EPB41: variants seen among roughly 807,000 people sequenced by gnomAD.
EPB41 encodes protein 4.1.
Under a neutral mutation model 108.0 loss-of-function variants are expected in EPB41, and 65 were observed. The ratio of observed to expected loss-of-function variants is 0.60; its 90% CI spans 0.49 to 0.74. EPB41 has a LOEUF of 0.74. EPB41 is among the 30% of genes least tolerant of loss of function. The pLI is 0.00. For missense variants in EPB41, 875 were observed against 1,037.0 expected (o/e 0.84, Z 2.15); for synonymous variants, 336 against 358.9 (o/e 0.94, Z 0.72).
chr1:29,029,642 CTT>C (rs1407489416), intron 7 of EPB41, among the ~76,000 whole-genome samples: 1 of 152,136 alleles, frequency 6.6e-6, no homozygotes, highest in Non-Finnish European at 1.5e-5. Flanking sequence ...CTCATGAACA[CTT>C]TTCAAAAGAC....
rs1188476211 is a variant in EPB41, at chr1:29,062,132, A to G, written c.2007+1648A>G. Among the ~76,000 whole-genome samples the G allele has an allele frequency of 3.3e-5, 5 of 152,224 alleles. No individual in the cohort carries two copies. In the South Asian group the frequency reaches 1.0e-3, roughly 32 times the overall value. On this transcript the variant is annotated intron_variant, in intron 15 of 20. Coordinates refer to ENST00000343067, the MANE Select transcript of EPB41 (RefSeq NM_001376013.1). ...ACCCTCAGATATTTCAAACTTGGCA[A>G]CTGGATCTCTTTGTTTTAGCCCATA...
chr1:29,037,247 A>AT (rs1343849178), intron 10 of EPB41, among the ~76,000 whole-genome samples: 1 of 151,260 alleles, frequency 6.6e-6, no homozygotes, highest in African/African-American at 2.4e-5. Context: ...ACGCCTGGCT[A>AT]TTTTTTGTAT....
chr1:29,034,705 G>A (rs988614773), intron 9 of EPB41, among the ~76,000 whole-genome samples: 1 of 151,972 alleles, frequency 6.6e-6, no homozygotes, highest in Non-Finnish European at 1.5e-5. Context: ...AGTATAAGAG[G>A]AATCTAGATA....
At chr1:28,934,736 C>T (rs2093921195) in intron 1 of EPB41, among the ~76,000 whole-genome samples, 1 of 144,424 alleles carries the variant, frequency 6.9e-6, no homozygotes, top group African/African-American at 2.6e-5. Flanking sequence ...TGTGGTACTA[C>T]AAAATGCTCC....
At chr1:29,001,532 T>C (rs1177952705) in intron 4 of EPB41, among the ~76,000 whole-genome samples, 1 of 152,212 alleles carries the variant, frequency 6.6e-6, no homozygotes, top group African/African-American at 2.4e-5. Context: ...TCAGAAATGG[T>C]ACATGGGATG....
At chr1:29,032,283 A>ACACC (rs1223023534) in intron 8 of EPB41, among the ~76,000 whole-genome samples, 1 of 152,138 alleles carries the variant, frequency 6.6e-6, no homozygotes, top group Non-Finnish European at 1.5e-5. Context: ...TCAGGTATTG[A>ACACC]TGGAGTCAGG....
chr1:28,992,393 T>A (rs2096046053), intron 2 of EPB41, among the ~76,000 whole-genome samples: 1 of 151,944 alleles, frequency 6.6e-6, no homozygotes, highest in Non-Finnish European at 1.5e-5. Context: ...AAAGTAAAAG[T>A]AAAAATGTAT....
intron 1 of EPB41, among the ~76,000 whole-genome samples, chr1:28,922,868 C>T (rs1300723033): frequency 6.6e-6 from 1 of 151,568 alleles, no homozygotes; most frequent in Admixed American, 6.6e-5. Flanking sequence ...ACCTCATGAT[C>T]CGCCTGCCTC....
intron 17 of EPB41, among the ~76,000 whole-genome samples, chr1:29,106,899 C>T (rs904066915): frequency 2.0e-5 from 3 of 148,680 alleles, no homozygotes; most frequent in Admixed American, 6.7e-5. Context: ...AATGAGAAAA[C>T]TAGACTGGGT....
chr1:28,963,385 G>C (rs1372896731), intron 1 of EPB41, among the ~76,000 whole-genome samples: 8 of 150,324 alleles, frequency 5.3e-5, no homozygotes, highest in South Asian at 4.2e-4. Flanking sequence ...GTGTGTGTCT[G>C]TGTGTGATTT....
chr1:28,952,225 A>G (rs1343044155), intron 1 of EPB41, among the ~76,000 whole-genome samples: 1 of 148,476 alleles, frequency 6.7e-6, no homozygotes, highest in African/African-American at 2.5e-5. Flanking sequence ...TTTTTCTGTC[A>G]GTTATCAAAG....
intron 3 of EPB41, 85 bp from the exon 4 acceptor site, chr1:28,997,130 C>T: frequency 3.0e-6 from 3 of 1,003,868 alleles, no homozygotes; most frequent in Non-Finnish European, 4.8e-6. Flanking sequence ...CCAGCCTGGG[C>T]AACAGAGTGA....
In EPB41 at chr1:29,070,811, G is replaced by A. The variant is rs1650996811; in HGVS notation, c.2184+5653G>A. The A allele has an allele frequency of 1.7e-5, 13 of 780,690 alleles. No homozygotes were observed. The South Asian group carries it at 6.9e-4, about 42-fold the overall frequency. 48.4% of individuals were successfully genotyped at this position (780,690 alleles called of 1,614,324 possible). ...GGGTACAAAGGAGTAGCAATGGACTGCCCAAAGCCAGCTTTTCTGCATTGA... is the reference window on the plus strand; with the variant it reads ...GGGTACAAAGGAGTAGCAATGGACTACCCAAAGCCAGCTTTTCTGCATTGA... On this transcript the variant is annotated intron_variant, in intron 16 of 20. Coordinates refer to ENST00000343067, the MANE Select transcript of EPB41 (RefSeq NM_001376013.1).
intron 7 of EPB41, among the ~76,000 whole-genome samples, chr1:29,023,080 C>T (rs972033907): frequency 6.0e-5 from 9 of 150,818 alleles, no homozygotes; most frequent in African/African-American, 2.0e-4. Context: ...CTGCAATCTC[C>T]GCCTGCTTGG....
rs72649233 is a variant in EPB41 at position 28,975,537 on chromosome 1, C to T, written c.-7-11894C>T. Among the ~76,000 whole-genome samples, 1,175 of 152,280 alleles carry T rather than the reference C, an allele frequency of 7.7e-3. 7 individuals carry two copies. The highest frequency in any genetic ancestry group is 0.012 in the Non-Finnish European group (830 of 68,026). On this transcript the variant is annotated intron_variant, in intron 1 of 20. Coordinates refer to ENST00000343067, the MANE Select transcript of EPB41 (RefSeq NM_001376013.1). ...GCCTCTTCTGCCTCCACTTTATCTA[C>T]TTCCTTACTTAAAAGCTTTCAGTGG...
At chr1:28,908,767 C>G (rs1411926390) in intron 1 of EPB41, among the ~76,000 whole-genome samples, 1 of 151,612 alleles carries the variant, frequency 6.6e-6, no homozygotes, top group African/African-American at 2.4e-5. Context: ...GGGAAACAAA[C>G]TCAATGTCCA....
chr1:29,018,495 C>A lies in EPB41; in HGVS notation c.1124+53C>A. 1 of 1,428,758 alleles carries A rather than the reference C, an allele frequency of 7.0e-7. No homozygotes were observed. The highest frequency in any genetic ancestry group is 9.3e-7 in the Non-Finnish European group (1 of 1,074,808). The allele number at this position is 1,428,758 out of a possible 1,614,324, so 88.5% of individuals were successfully genotyped here. On this transcript the variant is annotated intron_variant, in intron 7 of 20. Coordinates refer to ENST00000343067, the MANE Select transcript of EPB41 (RefSeq NM_001376013.1). This position sits in a 1 kb window ranked among gnomAD's most constrained non-coding sequence, Gnocchi z 4.4. ...TGTTTGTTTTGGCGATTAGTTTAAA[C>A]ACAACATGGTATTGGTTCATTGTTT...
chr1:28,893,109 TCTCA>T (rs1324716627), intron 1 of EPB41, among the ~76,000 whole-genome samples: 1 of 151,406 alleles, frequency 6.6e-6, no homozygotes, highest in Non-Finnish European at 1.5e-5. Context: ...TGAGATAGGG[TCTCA>T]CTCTGTCGCC....
chr1:29,091,104 A>G (rs576584549), intron 16 of EPB41, among the ~76,000 whole-genome samples: 1 of 152,330 alleles, frequency 6.6e-6, no homozygotes, highest in African/African-American at 2.4e-5. Context: ...TGTTCTGTCT[A>G]ATTTAACTCA....
Sources: allele counts gnomAD v4.1 joint callset (sites outside exome capture counted in the v4.1 genomes callset), GRCh38; gene constraint gnomAD v4.1.1; non-coding constraint Gnocchi (gnomAD v3.1); transcripts MANE v1.5; gene names NCBI Gene and HGNC (gene_info 2026-07-23, HGNC 2026-07-21).